Variants in GLS2 observed in about 807,000 individuals in gnomAD.
GLS2 encodes glutaminase liver isoform, mitochondrial.
Under a neutral mutation model 79.0 loss-of-function variants are expected in GLS2, and 52 were observed. The ratio of observed to expected loss-of-function variants is 0.66; its 90% CI spans 0.53 to 0.83. The LOEUF is 0.83. GLS2 is among the 40% of genes least tolerant of loss of function. The pLI, the probability that GLS2 is intolerant of heterozygous loss-of-function variation, is 0.00. For synonymous variants in GLS2, 238 were observed against 280.8 expected (o/e 0.85, Z 1.52); for missense variants, 561 against 764.8 (o/e 0.73, Z 3.14).
At position 56,471,924 on chromosome 12, in the gene GLS2, G is replaced by A. The variant is rs575726461; in HGVS notation, c.1589-88C>T. On this transcript the variant is annotated intron_variant, in intron 16 of 17. Transcript: ENST00000311966. Reference sequence around the variant, plus strand: ...TTAGCCACTGAAGTCTTTACCAAGAGGGGAGGGGAAAAGGCCTCTTCCCAT... The same window carrying A: ...TTAGCCACTGAAGTCTTTACCAAGAAGGGAGGGGAAAAGGCCTCTTCCCAT... 2.7e-3 allele frequency: 3,855 copies of A among 1,438,058 alleles called. 6 individuals are homozygous for A. The highest frequency in any genetic ancestry group is 3.5e-3 in the Middle Eastern group (15 of 4,240). The allele number at this position is 1,438,058 out of a possible 1,614,324, so 89.1% of individuals were successfully genotyped here. A position where few individuals can be genotyped will look rare whatever the true frequency, so the allele number is the denominator to read the frequency against.
chr12:56,482,854 C>T (rs967012931), intron 1 of GLS2, among the ~76,000 whole-genome samples: 4 of 152,138 alleles, frequency 2.6e-5, no homozygotes, highest in African/African-American at 9.7e-5. Context: ...ACCTCAGCCT[C>T]CCAGAGTGCT....
intron 12 of GLS2, 197 bp from the exon 13 acceptor site, chr12:56,473,791 AT>A (rs1245788502): frequency 3.2e-6 from 2 of 625,682 alleles, no homozygotes; most frequent in East Asian, 6.0e-5. Context: ...GCTAGAAAAT[AT>A]TTTTTGAAAT....
At position 56,488,037 on chromosome 12, in the gene GLS2, G is replaced by A. The variant is rs1163294798; in HGVS notation, c.82C>T (p.Arg28Trp). The part of the protein sequence containing the change: ...CGRGGWGHPS[R>W]SPLLGGGVRH... ...ACGCCCCCGCCAAGGAGGGGGCTCC[G>A]GCTCGGGTGACCCCAGCCTCCTCGC... is the stretch of plus-strand genomic sequence containing the variant. Residue 28 changes from arginine to tryptophan, a missense_variant, in exon 1 of 18, where the codon CGG becomes TGG. Arg to Trp is a moderately radical substitution (Grantham distance 101, BLOSUM62 -3). Around this residue, in one of 4 missense-constraint regions of GLS2, gnomAD observed 161 missense variants for 167.8 expected, o/e 0.96. Transcript: ENST00000311966. The A allele has an allele frequency of 1.9e-6, 3 of 1,591,514 alleles. No homozygotes were observed. The highest frequency in any genetic ancestry group is 2.6e-6 in the Non-Finnish European group (3 of 1,175,790).
At chr12:56,481,612 T>C (rs1870303115) in intron 1 of GLS2, among the ~76,000 whole-genome samples, 2 of 150,642 alleles carry the variant, frequency 1.3e-5, no homozygotes, top group Middle Eastern at 3.4e-3. Flanking sequence ...AGAAGTAGGC[T>C]GGGCATGGTG....
rs1418946289 is a variant in GLS2, at chr12:56,487,957, G to A, written c.162C>T (p.His54=). The change falls in exon 1 of 18, where the codon CAC becomes CAT. Residue 54 remains histidine, a synonymous_variant. Coordinates refer to ENST00000311966, the MANE Select transcript of GLS2 (RefSeq NM_013267.4). ...CTTACTGATCCTGGTGCTGCGGCTG[G>A]TGGCTGTGTGGCGTCTCTCTGCCCT... ...AAQGRETPHS[H]QPQHQDHDSS... 1.2e-6 allele frequency: 2 copies of A among 1,603,056 alleles called. No homozygotes were observed. Among genetic ancestry groups the A allele is most frequent in the South Asian group, 1.1e-5 (1 of 90,980 alleles).
Position 56,481,208 on chromosome 12 carries a change from T to TC in GLS2, c.183-822_183-821insG, listed in dbSNP as rs1460630956. Among the ~76,000 whole-genome samples the TC allele has an allele frequency of 4.9e-5, 7 of 142,866 alleles. 1 individual carries two copies. In the South Asian group the frequency reaches 1.6e-3, roughly 33 times the overall value. 93.7% of individuals were successfully genotyped at this position (142,866 alleles called of 152,430 possible). On this transcript the variant is annotated intron_variant, in intron 1 of 17. Coordinates refer to ENST00000311966, the MANE Select transcript of GLS2 (RefSeq NM_013267.4). The stretch of plus-strand genomic sequence containing the variant: ...AAAATGTGCCAGTGATCTTTTTTTT[T>TC]TTTTTTTTTTTTTTTGAGACGGAGT...
intron 1 of GLS2, among the ~76,000 whole-genome samples, chr12:56,485,868 C>A (rs979652115): frequency 6.6e-6 from 1 of 151,678 alleles, no homozygotes; most frequent in African/African-American, 2.4e-5. Flanking sequence ...ATGGTGAAAC[C>A]CCATCTCTAT....
chr12:56,479,436 G>C, intron 3 of GLS2: 1 of 433,684 alleles, frequency 2.3e-6, no homozygotes. Context: ...TAATATGTAT[G>C]TATGTTACCT....
chr12:56,487,042 A>T (rs973462423), intron 1 of GLS2, among the ~76,000 whole-genome samples: 12 of 152,176 alleles, frequency 7.9e-5, no homozygotes, highest in Non-Finnish European at 1.8e-4. Flanking sequence ...TCTGAGTGTC[A>T]TCAGGGAGAT....
intron 12 of GLS2, chr12:56,473,969 G>A (rs2060151430): frequency 5.4e-6 from 1 of 186,692 alleles, no homozygotes; most frequent in Non-Finnish European, 1.1e-5. Flanking sequence ...GGGGCCACAT[G>A]AGATAGGGTG....
At chr12:56,479,616 T>C in intron 3 of GLS2, 164 bp downstream of exon 3, 2 of 782,572 alleles carry the variant, frequency 2.6e-6, no homozygotes, top group Non-Finnish European at 3.7e-6. Context: ...TATTTCTATA[T>C]TGTTTGAACT....
In GLS2 at chr12:56,471,245, CT is replaced by C; in HGVS notation, c.*241del. ...AGTGGGGCAAGCCATTAGGCTGTAC[CT>C]TGAAGCCCAGTCTCTCTGGATAGCT... is the stretch of plus-strand genomic sequence containing the variant. On this transcript the variant is annotated 3_prime_UTR_variant, in exon 18 of 18. Transcript: ENST00000311966. The C allele has an allele frequency of 2.0e-6, 1 of 490,940 alleles. No homozygotes were observed. The highest frequency in any genetic ancestry group is 3.6e-6 in the Non-Finnish European group (1 of 281,086). 30.4% of individuals were successfully genotyped at this position (490,940 alleles called of 1,614,324 possible). A position where few individuals can be genotyped will look rare whatever the true frequency, so the allele number is the denominator to read the frequency against.
intron 7 of GLS2, 87 bp downstream of exon 7, chr12:56,477,572 CT>C: frequency 7.4e-7 from 1 of 1,350,014 alleles, no homozygotes; most frequent in Admixed American, 2.1e-5. Flanking sequence ...CCCCACCAGT[CT>C]CCCTGGAGAG....
Position 56,478,241 on chromosome 12 carries a change from G to T in GLS2, c.556C>A (p.Leu186Met). 1 of 1,614,256 alleles carries T rather than the reference G, an allele frequency of 6.2e-7. No individual in the cohort carries two copies. The highest frequency in any genetic ancestry group is 8.5e-7 in the Non-Finnish European group (1 of 1,180,052). The change falls in exon 5 of 18, where the codon CTG becomes ATG. Residue 186 changes from leucine to methionine, a missense_variant. By Grantham distance (15) the Leu-to-Met change is conservative. Coordinates refer to ENST00000311966, the MANE Select transcript of GLS2 (RefSeq NM_013267.4). ...CACAGGTCTGGGTTTGACTTGGCCA[G>T]CTGAGGGATGTAGGCTGCCACCTGG... ...GGKVAAYIPQ[L>M]AKSNPDLWGV...
intron 9 of GLS2, chr12:56,475,364 CT>C: frequency 1.0e-6 from 1 of 981,952 alleles, no homozygotes; most frequent in Non-Finnish European, 1.5e-6. Context: ...AAGTTTTTGG[CT>C]TTGAAAGTCT....
At chr12:56,472,404 ATCAC>A (rs1202997421) in intron 15 of GLS2, 1 of 608,574 alleles carries the variant, frequency 1.6e-6, no homozygotes, top group African/African-American at 1.9e-5. Flanking sequence ...TTCCAGAAAT[ATCAC>A]TCACTGCCTA....
rs1467580466 is a variant in GLS2 at position 56,471,419 on chromosome 12, GTGGTTA to G, written c.*62_*67del. On this transcript the variant is annotated 3_prime_UTR_variant, in exon 18 of 18. Coordinates refer to ENST00000311966, the MANE Select transcript of GLS2 (RefSeq NM_013267.4). ...AGTGTAGCTCTCCATAGTATTTTTG[GTGGTTA>G]TGGATTACATGTGTGGCCAGCTCAT... The G allele has an allele frequency of 1.3e-5, 20 of 1,489,350 alleles. No homozygotes were observed. The highest frequency in any genetic ancestry group is 1.8e-5 in the Non-Finnish European group (20 of 1,105,796). 92.3% of individuals were successfully genotyped at this position (1,489,350 alleles called of 1,614,324 possible). A position where few individuals can be genotyped will look rare whatever the true frequency, so the allele number is the denominator to read the frequency against.
chr12:56,473,402 G>C (rs1869490362), intron 13 of GLS2, 61 bp downstream of exon 13: 2 of 1,603,656 alleles, frequency 1.2e-6, no homozygotes, highest in Non-Finnish European at 1.7e-6. Flanking sequence ...TAGTAAAAGT[G>C]GTACCATTAA....
chr12:56,476,533 C>T (rs1279989350), intron 7 of GLS2: 3 of 153,854 alleles, frequency 1.9e-5, no homozygotes, highest in East Asian at 3.9e-4. Context: ...GCAGGAGGAT[C>T]GCTTGAGACC....
Sources: gnomAD v4.1 joint callset for allele counts (sites outside exome capture counted in the v4.1 genomes callset) on GRCh38, gnomAD v4.1.1 for gene constraint, gnomAD v4.1.1 regional missense constraint, MANE v1.5 for transcripts, NCBI Gene and HGNC (gene_info 2026-07-23, HGNC 2026-07-21) for gene names.